The following MGST1 variants were observed in gnomAD, a reference collection of about 807,000 sequenced individuals.
The protein encoded by MGST1 is glutathione S-transferase 12.
MGST1 carries 5 observed loss-of-function variants against 8.9 expected under a neutral mutation model. The ratio of observed to expected loss-of-function variants is 0.56; its 90% CI spans 0.29 to 1.19. MGST1 has a LOEUF of 1.19. MGST1 is among the 50% of genes most tolerant of loss of function. MGST1 has a pLI of 0.08. For missense variants in MGST1, 182 were observed against 187.4 expected (o/e 0.97, Z 0.17); for synonymous variants, 54 against 67.8 (o/e 0.80, Z 1.00).
intron 4 of MGST1, among the ~76,000 whole-genome samples, chr12:16,463,024 T>C (rs1484199719): frequency 6.6e-6 from 1 of 152,164 alleles, no homozygotes; most frequent in Non-Finnish European, 1.5e-5. Context: ...CTCTTGAAGA[T>C]CTTCTAATCT....
At chr12:16,379,473 C>T (rs930115519), downstream of MGST1, among the ~76,000 whole-genome samples, 2 of 152,124 alleles carry the variant, frequency 1.3e-5, no homozygotes, top group Non-Finnish European at 2.9e-5. Context: ...TATATTGAAC[C>T]AGCCTTGCAT....
chr12:16,475,984 G>A (rs1285619031), intron 4 of MGST1, among the ~76,000 whole-genome samples: 1 of 151,856 alleles, frequency 6.6e-6, no homozygotes, highest in African/African-American at 2.4e-5. Context: ...ACATGATCTT[G>A]ACTAGAAAGA....
chr12:16,394,848 C>T (rs143512869), intron 1 of MGST1, among the ~76,000 whole-genome samples: 3,038 of 152,184 alleles, frequency 0.02, 56 homozygotes, highest in Non-Finnish European at 0.032. Flanking sequence ...CCACCTGCCT[C>T]GGCCTCCCAC....
intron 4 of MGST1, among the ~76,000 whole-genome samples, chr12:16,557,994 TATATATC>T (rs1257807944): frequency 6.6e-6 from 1 of 152,056 alleles, no homozygotes; most frequent in African/African-American, 2.4e-5. Context: ...AGATACAACT[TATATATC>T]TGATGATAGA....
chr12:16,430,159 A>G (rs1940925840), intron 1 of MGST1, among the ~76,000 whole-genome samples: 1 of 152,164 alleles, frequency 6.6e-6, no homozygotes, highest in Non-Finnish European at 1.5e-5. Flanking sequence ...TGTTATTATG[A>G]GGTTACAGCA....
intron 1 of MGST1, among the ~76,000 whole-genome samples, chr12:16,390,966 A>G (rs1437210029): frequency 2.6e-5 from 4 of 151,546 alleles, no homozygotes; most frequent in Non-Finnish European, 4.4e-5. Flanking sequence ...CCTCTCTAGC[A>G]TCTTTTATTT....
rs1298728796 is a variant in MGST1 at position 16,577,000 on chromosome 12, T to A, written n.483-12528T>A. On this transcript the variant is annotated intron_variant and non_coding_transcript_variant, in intron 4 of 4. Transcript: ENST00000538857. This position sits in a 1 kb window ranked among gnomAD's most constrained non-coding sequence, Gnocchi z 4.1. Reference sequence around the variant, plus strand: ...TACACTGGAAGCTTGCTAGGCAACATGAGAATCTACTTGCTGAAACTTAGC... The same window carrying A: ...TACACTGGAAGCTTGCTAGGCAACAAGAGAATCTACTTGCTGAAACTTAGC... Among the ~76,000 whole-genome samples, 1 of 152,212 alleles carries A rather than the reference T, an allele frequency of 6.6e-6. No individual in the cohort carries two copies. Among genetic ancestry groups the A allele is most frequent in the African/African-American group, 2.4e-5 (1 of 41,458 alleles).
chr12:16,508,792 C>G (rs1383015550), intron 4 of MGST1, among the ~76,000 whole-genome samples: 1 of 152,144 alleles, frequency 6.6e-6, no homozygotes, highest in African/African-American at 2.4e-5. Context: ...GGCTAAGAAC[C>G]ATAAAAATGA....
At chr12:16,451,263 G>A (rs976936595) in intron 4 of MGST1, among the ~76,000 whole-genome samples, 3 of 151,862 alleles carry the variant, frequency 2.0e-5, no homozygotes, top group Non-Finnish European at 4.4e-5. Context: ...AGCAATCTCC[G>A]AATAGGTATT....
chr12:16,361,864 T>C lies in MGST1; in HGVS notation c.222-1931T>C, dbSNP rs948182633. 3.3e-5 allele frequency among the ~76,000 whole-genome samples: 5 copies of C among 152,136 alleles called. No individual in the cohort carries two copies. The highest frequency in any genetic ancestry group is 7.4e-5 in the Non-Finnish European group (5 of 68,018). On this transcript the variant is annotated intron_variant, in intron 3 of 3. Transcript: ENST00000396210. The surrounding 1 kb of genome is among the most constrained non-coding windows in gnomAD (Gnocchi z 4.2). ...AAGAGAAAATGAGGCTAGAAAAACA[T>C]GCAGGAGCTAGAAAGGTAAAGGAAC... is the stretch of plus-strand genomic sequence containing the variant.
At chr12:16,358,540 C>T (rs938310109) in intron 3 of MGST1, among the ~76,000 whole-genome samples, 3 of 149,260 alleles carry the variant, frequency 2.0e-5, no homozygotes, top group Non-Finnish European at 3.0e-5. Context: ...GATCTCGGCT[C>T]ACTGCAACCT....
chr12:16,407,082 C>T (rs554366966), intron 1 of MGST1, among the ~76,000 whole-genome samples: 46 of 152,166 alleles, frequency 3.0e-4, no homozygotes, highest in Non-Finnish European at 5.9e-4. Flanking sequence ...AACTTAAGAG[C>T]TTCTGCACAG....
chr12:16,581,804 G>A (rs770711364), intron 4 of MGST1, among the ~76,000 whole-genome samples: 2 of 151,648 alleles, frequency 1.3e-5, no homozygotes, highest in African/African-American at 2.4e-5. Flanking sequence ...TTTAATAATT[G>A]TATTACTACT....
intron 1 of MGST1, among the ~76,000 whole-genome samples, chr12:16,428,856 A>G (rs893431106): frequency 6.6e-6 from 1 of 152,000 alleles, no homozygotes. Context: ...TATAAGACAT[A>G]TTTATTTTCT....
At chr12:16,398,344 A>G (rs1940624146) in intron 1 of MGST1, among the ~76,000 whole-genome samples, 1 of 152,206 alleles carries the variant, frequency 6.6e-6, no homozygotes, top group Non-Finnish European at 1.5e-5. Context: ...TAAATACAGG[A>G]CAATGCAAGA....
intron 4 of MGST1, among the ~76,000 whole-genome samples, chr12:16,504,370 C>G (rs1460117697): frequency 6.6e-6 from 1 of 152,176 alleles, no homozygotes; most frequent in Non-Finnish European, 1.5e-5. Flanking sequence ...ACCACTTTCT[C>G]CCACGCCTAG....
At chr12:16,426,810 C>T (rs1173992762) in intron 1 of MGST1, among the ~76,000 whole-genome samples, 2 of 151,606 alleles carry the variant, frequency 1.3e-5, no homozygotes, top group African/African-American at 4.8e-5. Flanking sequence ...ACAACAACAA[C>T]AACAAAAAAA....
At chr12:16,520,570 G>A (rs1030762884) in intron 4 of MGST1, among the ~76,000 whole-genome samples, 8 of 152,030 alleles carry the variant, frequency 5.3e-5, no homozygotes, top group Admixed American at 2.6e-4. Context: ...ATGTGTGAGC[G>A]TGTGGTACGT....
In MGST1 at chr12:16,513,798, G is replaced by T. The variant is rs1176628503; in HGVS notation, n.483-75730G>T. The stretch of plus-strand genomic sequence containing the variant: ...CCATTTCTGGAACTAGTGCCTTAAG[G>T]ATCAGAGCTAGTTTTCTGCAAAGAT... On this transcript the variant is annotated intron_variant and non_coding_transcript_variant, in intron 4 of 4. Coordinates refer to the MGST1 transcript ENST00000538857. This position sits in a 1 kb window ranked among gnomAD's most constrained non-coding sequence, Gnocchi z 4.2. 15 of 605,602 alleles carry T rather than the reference G, an allele frequency of 2.5e-5. No individual in the cohort carries two copies. The highest frequency in any genetic ancestry group is 4.5e-5 in the Non-Finnish European group (14 of 308,210). The allele number at this position is 605,602 out of a possible 1,614,324, so 37.5% of individuals were successfully genotyped here.
Sources: gnomAD v4.1 joint callset for allele counts (sites outside exome capture counted in the v4.1 genomes callset) on GRCh38, gnomAD v4.1.1 for gene constraint, Gnocchi (gnomAD v3.1) non-coding constraint, MANE v1.5 for transcripts, NCBI Gene and HGNC (gene_info 2026-07-23, HGNC 2026-07-21) for gene names.